Variants in ADAM22 observed in about 807,000 individuals in gnomAD.
ADAM22 encodes the protein ADAM metallopeptidase domain 22.
A neutral mutation model predicts 144.6 loss-of-function variants in ADAM22; 65 were observed. The observed-to-expected ratio is 0.45, with a 90% CI of 0.37 to 0.55. ADAM22 has a LOEUF of 0.55. ADAM22 is among the 20% of genes least tolerant of loss of function. ADAM22 has a pLI of 0.00. For missense variants in ADAM22, 974 were observed against 1,184.9 expected, an observed-to-expected ratio of 0.82 and a Z score of 2.61; for synonymous variants, 391 against 412.6, an observed-to-expected ratio of 0.95 and a Z score of 0.63.
At chr7:87,964,626 T>G (rs1218889819) in intron 2 of ADAM22, 4 of 426,302 alleles carry the variant, frequency 9.4e-6, no homozygotes, top group Non-Finnish European at 1.8e-5. Flanking sequence ...CATTTAATTT[T>G]TTTTTAGATT....
At position 88,108,276 on chromosome 7, in the gene ADAM22, T is replaced by C; in HGVS notation, c.473+18T>C. ...GGACTTCAGTAAGTGTTCAAAAAGTTATTTTTACTGTTTGTTTTTTCAATA... is the reference window on the plus strand; with the variant it reads ...GGACTTCAGTAAGTGTTCAAAAAGTCATTTTTACTGTTTGTTTTTTCAATA... On this transcript the variant is annotated intron_variant, in intron 5 of 31. Coordinates refer to ENST00000413139, the MANE Select transcript of ADAM22 (RefSeq NM_001324418.2). 1.9e-6 allele frequency: 3 copies of C among 1,599,830 alleles called. No homozygotes were observed. The highest frequency in any genetic ancestry group is 2.6e-6 in the Non-Finnish European group (3 of 1,169,590).
chr7:88,126,802 G>A (rs1452639745), intron 8 of ADAM22, among the ~76,000 whole-genome samples: 1 of 151,840 alleles, frequency 6.6e-6, no homozygotes, highest in Admixed American at 6.6e-5. Context: ...TCATTCTGGA[G>A]CATTTGGGAT....
chr7:88,034,102 C>T (rs113534993), intron 3 of ADAM22, among the ~76,000 whole-genome samples: 41 of 152,224 alleles, frequency 2.7e-4, no homozygotes, highest in African/African-American at 9.6e-4. Flanking sequence ...CTCTGCTTTT[C>T]TCAAGCAGAT....
At chr7:88,046,844 A>G (rs966172687) in intron 3 of ADAM22, among the ~76,000 whole-genome samples, 2 of 152,042 alleles carry the variant, frequency 1.3e-5, no homozygotes, top group Non-Finnish European at 2.9e-5. Context: ...TTCATCTTGA[A>G]TAGTTCTTTA....
chr7:88,104,869 A>T (rs1326474646), intron 4 of ADAM22, among the ~76,000 whole-genome samples: 1 of 152,076 alleles, frequency 6.6e-6, no homozygotes, highest in Non-Finnish European at 1.5e-5. Flanking sequence ...ATTCAACCAT[A>T]TTGAGCTCTT....
At chr7:87,955,185 C>T (rs1284877666) in intron 2 of ADAM22, among the ~76,000 whole-genome samples, 17 of 152,218 alleles carry the variant, frequency 1.1e-4, no homozygotes, top group African/African-American at 1.9e-4. Flanking sequence ...TGAGGAACTG[C>T]GTTCCTTTGG....
chr7:88,077,909 C>T (rs1815119138), intron 4 of ADAM22, among the ~76,000 whole-genome samples: 1 of 152,232 alleles, frequency 6.6e-6, no homozygotes, highest in Admixed American at 6.5e-5. Flanking sequence ...TAGGCTCCAC[C>T]TCTGGGGGCA....
chr7:87,987,191 A>T (rs1231405969), intron 3 of ADAM22, among the ~76,000 whole-genome samples: 1 of 151,790 alleles, frequency 6.6e-6, no homozygotes, highest in Non-Finnish European at 1.5e-5. Flanking sequence ...TATTTTAATT[A>T]TTTTTTTTGG....
intron 3 of ADAM22, among the ~76,000 whole-genome samples, chr7:88,065,174 G>A (rs1422245324): frequency 1.3e-5 from 2 of 151,986 alleles, no homozygotes; most frequent in African/African-American, 2.4e-5. Flanking sequence ...ACATGTAGGT[G>A]TATTTTTTCC....
intron 27 of ADAM22, among the ~76,000 whole-genome samples, chr7:88,179,466 T>C (rs774811403): frequency 7.2e-5 from 11 of 152,052 alleles, no homozygotes; most frequent in Non-Finnish European, 1.2e-4. Flanking sequence ...CTGCATTGAG[T>C]ATTTTTTAAT....
chr7:88,031,414 A>G (rs183999345), intron 3 of ADAM22, among the ~76,000 whole-genome samples: 43 of 152,336 alleles, frequency 2.8e-4, no homozygotes, highest in African/African-American at 1.0e-3. Flanking sequence ...AATGAAGTTC[A>G]GGTTTAAGTG....
chr7:88,161,784 A>G (rs1458206372), intron 22 of ADAM22, among the ~76,000 whole-genome samples: 1 of 152,034 alleles, frequency 6.6e-6, no homozygotes, highest in Non-Finnish European at 1.5e-5. Flanking sequence ...AGTCAGAATG[A>G]TTATTATTAA....
chr7:88,150,990 A>G lies in ADAM22; in HGVS notation c.1576A>G (p.Asn526Asp), dbSNP rs1838190641. The G allele has an allele frequency of 1.2e-6, 2 of 1,613,438 alleles. No individual in the cohort carries two copies. The highest frequency in any genetic ancestry group is 2.2e-5 in the South Asian group (2 of 91,042). The change falls in exon 19 of 32, where the codon AAT becomes GAT. Residue 526 changes from asparagine to aspartate, a missense_variant. Transcript: ENST00000413139. ...CSGNSSQCAPNIHKMDGYSCD... is the reference protein window; with the variant it reads ...CSGNSSQCAPDIHKMDGYSCD... The stretch of plus-strand genomic sequence containing the variant: ...GTTCTCTTTTTCCTAGTGTGCCCCT[A>G]ATATTCATAAAATGGATGGATATTC...
intron 3 of ADAM22, among the ~76,000 whole-genome samples, chr7:88,064,599 T>C (rs771928213): frequency 1.3e-5 from 2 of 152,172 alleles, no homozygotes; most frequent in Admixed American, 6.6e-5. Context: ...CATTCACTGC[T>C]TCCAAGATGG....
At chr7:87,982,502 G>A (rs889322119) in intron 3 of ADAM22, among the ~76,000 whole-genome samples, 16 of 151,210 alleles carry the variant, frequency 1.1e-4, no homozygotes, top group Non-Finnish European at 1.5e-4. Flanking sequence ...TATTAAATGC[G>A]GTTGGAAAAG....
At chr7:88,123,964 TAA>T (rs143879225) in intron 7 of ADAM22, among the ~76,000 whole-genome samples, 10,219 of 151,988 alleles carry the variant, frequency 0.067, 426 homozygotes, top group Admixed American at 0.11. Context: ...AGAATTGCAA[TAA>T]GAGAAAATAC....
intron 2 of ADAM22, among the ~76,000 whole-genome samples, chr7:87,960,375 GGTGTGTGT>G (rs71120011): frequency 1.3e-5 from 2 of 149,380 alleles, no homozygotes; most frequent in East Asian, 4.0e-4. Context: ...GTGGTAGTGG[GGTGTGTGT>G]GTGTGTGTGT....
chr7:88,000,415 A>C (rs1478462900), intron 3 of ADAM22, among the ~76,000 whole-genome samples: 1 of 152,214 alleles, frequency 6.6e-6, no homozygotes, highest in Non-Finnish European at 1.5e-5. Context: ...TGTTGCTAAA[A>C]TTGTATTTCA....
Position 88,162,993 on chromosome 7 carries a change from G to T in ADAM22, c.1908-19G>T, listed in dbSNP as rs756317717. On this transcript the variant is annotated intron_variant, in intron 22 of 31. Transcript: ENST00000413139. ...AGGTGAATTAATAGATTCATTTTTT[G>T]CTCTCAATTTGTTTTTAGTGGTGGG... 16 of 1,593,044 alleles carry T rather than the reference G, an allele frequency of 1.0e-5. No individual in the cohort carries two copies. The highest frequency in any genetic ancestry group is 6.8e-5 in the African/African-American group (5 of 73,230).
Sources: gnomAD v4.1 joint callset for allele counts (sites outside exome capture counted in the v4.1 genomes callset) on GRCh38, gnomAD v4.1.1 for gene constraint, MANE v1.5 for transcripts, NCBI Gene and HGNC (gene_info 2026-07-23, HGNC 2026-07-21) for gene names.